The following ARK2N variants were observed in gnomAD, a reference collection of about 807,000 sequenced individuals.
ARK2N encodes the protein arkadia (RNF111) N-terminal like PKA signaling regulator 2N, also known as protein ARK2N.
the ARK2N span, among the ~76,000 whole-genome samples, chr18:46,177,766 G>C: frequency 6.6e-6 from 1 of 152,154 alleles, no homozygotes; most frequent in African/African-American, 2.4e-5. Flanking sequence ...AAACTTAGCT[G>C]GGTGGGGTGG....
chr18:46,214,750 A>G, the ARK2N span, among the ~76,000 whole-genome samples: 1 of 152,344 alleles, frequency 6.6e-6, no homozygotes, highest in Admixed American at 6.5e-5. Flanking sequence ...AAATCCCTTT[A>G]TTCATTCATA....
At chr18:46,261,688 C>T in the ARK2N span, among the ~76,000 whole-genome samples, 1 of 152,162 alleles carries the variant, frequency 6.6e-6, no homozygotes, top group Non-Finnish European at 1.5e-5. Context: ...CTACATAGCC[C>T]ATCTCTGGAC....
the ARK2N span, among the ~76,000 whole-genome samples, chr18:46,233,980 A>G: frequency 3.9e-5 from 6 of 152,144 alleles, no homozygotes. Context: ...AAAATAATAC[A>G]CATGTAGTTT....
the ARK2N span, chr18:46,218,741 T>C: frequency 6.6e-6 from 1 of 152,210 alleles, no homozygotes; most frequent in Non-Finnish European, 1.5e-5. Flanking sequence ...TTCAACCTTA[T>C]AGTAAGAGCA....
At chr18:46,190,630 T>C in the ARK2N span, among the ~76,000 whole-genome samples, 1 of 152,152 alleles carries the variant, frequency 6.6e-6, no homozygotes, top group African/African-American at 2.4e-5. Flanking sequence ...CCTACATCTT[T>C]TAAAAAAATT....
the ARK2N span, chr18:46,263,436 A>C: frequency 4.9e-6 from 1 of 203,200 alleles, no homozygotes; most frequent in African/African-American, 2.3e-5. Flanking sequence ...TAATATTTTA[A>C]TTGCCAGGCA....
At chr18:46,233,822 G>A in the ARK2N span, among the ~76,000 whole-genome samples, 1 of 152,078 alleles carries the variant, frequency 6.6e-6, no homozygotes, top group Non-Finnish European at 1.5e-5. Flanking sequence ...AATGGAAAAA[G>A]TACAAAATAC....
the ARK2N span, among the ~76,000 whole-genome samples, chr18:46,221,222 A>AT: frequency 2.6e-5 from 4 of 151,662 alleles, no homozygotes; most frequent in Admixed American, 6.6e-5. Flanking sequence ...TTGAATATTA[A>AT]TTTTTTTTAA....
At chr18:46,212,096 T>TA in the ARK2N span, among the ~76,000 whole-genome samples, 2 of 152,194 alleles carry the variant, frequency 1.3e-5, no homozygotes, top group African/African-American at 4.8e-5. Context: ...TTTCTGTGAC[T>TA]TTTTTCTCCT....
the ARK2N span, among the ~76,000 whole-genome samples, chr18:46,174,729 C>A: frequency 1.9e-3 from 294 of 152,262 alleles, 1 homozygote; most frequent in African/African-American, 6.4e-3. Flanking sequence ...CTTCACGGCC[C>A]TGGAGTTGTC....
the ARK2N span, among the ~76,000 whole-genome samples, chr18:46,222,119 A>G: frequency 1.3e-5 from 2 of 152,346 alleles, no homozygotes; most frequent in Admixed American, 6.5e-5. Flanking sequence ...GCCCCATTCA[A>G]TCAGAATCTT....
the ARK2N span, chr18:46,216,326 C>T: frequency 1.2e-6 from 2 of 1,614,048 alleles, no homozygotes; most frequent in Middle Eastern, 1.6e-4. This position sits in a 1 kb window ranked among gnomAD's most constrained non-coding sequence, Gnocchi z 4.3. Context: ...GAAAGTGAAA[C>T]TTCCACTATG....
chr18:46,259,547 G>A, the ARK2N span, among the ~76,000 whole-genome samples: 1 of 151,998 alleles, frequency 6.6e-6, no homozygotes, highest in South Asian at 2.1e-4. Context: ...CAGCCACTCT[G>A]CACTACTTTC....
At chr18:46,236,161 A>G in the ARK2N span, among the ~76,000 whole-genome samples, 1 of 152,350 alleles carries the variant, frequency 6.6e-6, no homozygotes, top group Non-Finnish European at 1.5e-5. Flanking sequence ...TAAAAATTCT[A>G]AAATTTTATT....
chr18:46,204,219 C>T, the ARK2N span, among the ~76,000 whole-genome samples: 1 of 151,282 alleles, frequency 6.6e-6, no homozygotes, highest in Non-Finnish European at 1.5e-5. Flanking sequence ...ATACCTTGTT[C>T]TCTCATTCTC....
the ARK2N span, among the ~76,000 whole-genome samples, chr18:46,240,590 C>A: frequency 6.6e-6 from 1 of 152,196 alleles, no homozygotes; most frequent in Non-Finnish European, 1.5e-5. Context: ...CCCTGTGGGG[C>A]TGGCTGTTCA....
chr18:46,235,671 CTTCT>C, the ARK2N span, among the ~76,000 whole-genome samples: 2,488 of 152,272 alleles, frequency 0.016, 38 homozygotes, highest in Non-Finnish European at 0.026. Flanking sequence ...CCTGTATATT[CTTCT>C]TTCCTTCAAC....
At chr18:46,198,863 C>T in the ARK2N span, among the ~76,000 whole-genome samples, 1 of 152,164 alleles carries the variant, frequency 6.6e-6, no homozygotes, top group African/African-American at 2.4e-5. Context: ...TCCCAAAGTG[C>T]TGGGATTACG....
At chr18:46,192,676 C>T in the ARK2N span, among the ~76,000 whole-genome samples, 1,870 of 151,708 alleles carry the variant, frequency 0.012, 49 homozygotes, top group African/African-American at 0.043. Flanking sequence ...AAGCGATTCT[C>T]CTGCCTCAGT....
Sources: allele counts gnomAD v4.1 joint callset (sites outside exome capture counted in the v4.1 genomes callset), GRCh38; gene constraint gnomAD v4.1.1; non-coding constraint Gnocchi (gnomAD v3.1); transcripts MANE v1.5; gene names NCBI Gene and HGNC (gene_info 2026-07-23, HGNC 2026-07-21).